The following ZNF25 variants were observed in gnomAD, a reference collection of about 807,000 sequenced individuals.
The protein encoded by ZNF25 is zinc finger protein 25.
ZNF25 carries 21 observed loss-of-function variants against 30.9 expected under a neutral mutation model. The ratio of observed to expected loss-of-function variants is 0.68; its 90% CI spans 0.48 to 0.98. ZNF25 has a LOEUF of 0.98. Among genes scored for constraint, ZNF25 ranks in the 50% least tolerant of loss-of-function variants. The pLI, the probability that ZNF25 is intolerant of heterozygous loss-of-function variation, is 0.00. For missense variants in ZNF25, 501 were observed against 529.9 expected (o/e 0.95, Z 0.54); for synonymous variants, 169 against 181.3 (o/e 0.93, Z 0.55).
intron 2 of ZNF25, among the ~76,000 whole-genome samples, chr10:37,967,060 A>G: frequency 6.6e-6 from 1 of 152,220 alleles, no homozygotes; most frequent in East Asian, 1.9e-4. Context: ...TGAGACCTAA[A>G]GAAATGAGAT....
chr10:37,973,081 T>G (rs973652636), intron 1 of ZNF25, among the ~76,000 whole-genome samples: 1 of 151,780 alleles, frequency 6.6e-6, no homozygotes, highest in Non-Finnish European at 1.5e-5. Flanking sequence ...GGCAGGAGAA[T>G]TGCTTGAATC....
rs545160992 is a variant in ZNF25, at chr10:37,952,760, C to A, written c.738G>T (p.Met246Ile). The A allele has an allele frequency of 6.2e-7, 1 of 1,609,800 alleles. No individual in the cohort carries two copies. Among genetic ancestry groups the A allele is most frequent in the South Asian group, 1.1e-5 (1 of 90,892 alleles). ...GKFFYVKAYL[M>I]VHQKTHTGEK... ...CCCCTGTGTGTGTTTTCTGATGTAC[C>A]ATGAGGTATGCCTTCACATAGAAGA... Residue 246 changes from methionine to isoleucine, a missense_variant, in exon 6 of 6, where the codon ATG becomes ATT. Met to Ile is a conservative substitution (Grantham distance 10). Coordinates refer to ENST00000302609, the MANE Select transcript of ZNF25 (RefSeq NM_145011.4).
rs1010439569 is a variant in ZNF25 at position 37,951,552 on chromosome 10, T to G, written c.*575A>C. 6.6e-6 allele frequency: 1 copy of G among 152,236 alleles called. No homozygotes were observed. The highest frequency in any genetic ancestry group is 1.5e-5 in the Non-Finnish European group (1 of 68,054). 9.4% of individuals were successfully genotyped at this position (152,236 alleles called of 1,614,324 possible). A position where few individuals can be genotyped will look rare whatever the true frequency, so the allele number is the denominator to read the frequency against. ...ACTGTTTCCCTCAGTACAAATTATT[T>G]GAATTTTTATTGAACACCTTCCAAA... On this transcript the variant is annotated 3_prime_UTR_variant, in exon 6 of 6. Transcript: ENST00000302609.
intron 2 of ZNF25, among the ~76,000 whole-genome samples, chr10:37,958,840 G>C (rs1217659767): frequency 6.6e-6 from 1 of 152,152 alleles, no homozygotes; most frequent in African/African-American, 2.4e-5. Context: ...CTGAAGGCAG[G>C]AGTTTGAGAC....
intron 1 of ZNF25, among the ~76,000 whole-genome samples, chr10:37,975,959 C>T (rs1166097430): frequency 2.0e-5 from 3 of 152,170 alleles, no homozygotes; most frequent in African/African-American, 7.2e-5. Context: ...CTCTCTGAAT[C>T]TTTAATAGTC....
chr10:37,950,091 AT>A lies in ZNF25; in HGVS notation c.*2035del, dbSNP rs1453085200. ...ATCATTTCTGAAACATGAAATACTTATAAAAGCGTAACTCTACATTGCTTTT... is the reference window on the plus strand; with the variant it reads ...ATCATTTCTGAAACATGAAATACTTAAAAAGCGTAACTCTACATTGCTTTT... On this transcript the variant is annotated 3_prime_UTR_variant, in exon 6 of 6. Coordinates refer to ENST00000302609, the MANE Select transcript of ZNF25 (RefSeq NM_145011.4). The A allele has an allele frequency of 6.6e-6, 1 of 152,628 alleles. No individual in the cohort carries two copies. The highest frequency in any genetic ancestry group is 1.5e-5 in the Non-Finnish European group (1 of 68,038). The allele number at this position is 152,628 out of a possible 1,614,324, so 9.5% of individuals were successfully genotyped here.
intron 2 of ZNF25, among the ~76,000 whole-genome samples, chr10:37,968,865 C>T (rs959702658): frequency 8.5e-5 from 13 of 152,120 alleles, no homozygotes; most frequent in East Asian, 5.8e-4. Context: ...TTTTTGCACA[C>T]GTGGGTTCTG....
rs762910704 is a variant in ZNF25 at position 37,952,476 on chromosome 10, G to A, written c.1022C>T (p.Pro341Leu). The change falls in exon 6 of 6, where the codon CCC becomes CTC. Residue 341 changes from proline (P) to leucine (L), a missense_variant. Coordinates refer to ENST00000302609, the MANE Select transcript of ZNF25 (RefSeq NM_145011.4). Reference protein sequence around the residue: ...VHQRTHTGEKPFECNKCGKTF... With the variant: ...VHQRTHTGEKLFECNKCGKTF... ...TTTCCCACATTTATTACATTCAAAG[G>A]GTTTCTCCCCTGTGTGAGTTCGCTG... 6.2e-7 allele frequency: 1 copy of A among 1,613,220 alleles called. No homozygotes were observed. The highest frequency in any genetic ancestry group is 1.3e-5 in the African/African-American group (1 of 74,904).
intron 5 of ZNF25, 47 bp downstream of exon 5, chr10:37,953,648 C>A: frequency 6.3e-7 from 1 of 1,578,766 alleles, no homozygotes; most frequent in Non-Finnish European, 8.7e-7. Flanking sequence ...TCCTTTAAGA[C>A]TCTTGCTTAC....
intron 3 of ZNF25, 131 bp from the exon 4 acceptor site, chr10:37,957,246 C>A (rs1027226676): frequency 8.0e-7 from 1 of 1,253,428 alleles, no homozygotes; most frequent in African/African-American, 1.5e-5. Flanking sequence ...ATTCTTTCAG[C>A]GGGGAGAGAG....
chr10:37,969,140 G>C (rs1327345631), intron 2 of ZNF25, among the ~76,000 whole-genome samples: 1 of 152,134 alleles, frequency 6.6e-6, no homozygotes, highest in African/African-American at 2.4e-5. Flanking sequence ...GGTGTTGGGG[G>C]TATATGGAGA....
At chr10:37,955,300 T>A (rs773449861) in intron 4 of ZNF25, among the ~76,000 whole-genome samples, 1 of 152,188 alleles carries the variant, frequency 6.6e-6, no homozygotes, top group Non-Finnish European at 1.5e-5. Flanking sequence ...TTTAAATGAA[T>A]ATTACTAATA....
At chr10:37,976,293 C>A in intron 1 of ZNF25, among the ~76,000 whole-genome samples, 1 of 152,188 alleles carries the variant, frequency 6.6e-6, no homozygotes, top group Middle Eastern at 3.2e-3. Flanking sequence ...CGGGCGCCCA[C>A]TGCCCAGCAC....
chr10:37,967,412 G>A (rs756960246), intron 2 of ZNF25, among the ~76,000 whole-genome samples: 1 of 150,826 alleles, frequency 6.6e-6, no homozygotes, highest in African/African-American at 2.4e-5. Context: ...ACGACCACAT[G>A]ATTTTCTTCT....
chr10:37,952,321 T>C lies in ZNF25; in HGVS notation c.1177A>G (p.Thr393Ala), dbSNP rs1367563691. ...SVLRLHQRTH[T>A]GEKPYACKEC... is the part of the protein sequence containing the mutation. ...TTGCATGCATAGGGCTTCTCTCCTG[T>C]GTGAGTCCTTTGATGTAATCTGAGG... The change falls in exon 6 of 6, where the codon ACA becomes GCA. Residue 393 changes from threonine to alanine, a missense_variant. Physicochemically the swap from Thr to Ala is moderately conservative, Grantham distance 58. Transcript: ENST00000302609. 1.2e-6 allele frequency: 2 copies of C among 1,613,918 alleles called. No homozygotes were observed.
intron 4 of ZNF25, among the ~76,000 whole-genome samples, chr10:37,955,782 A>T (rs2062481674): frequency 6.6e-6 from 1 of 152,114 alleles, no homozygotes; most frequent in African/African-American, 2.4e-5. Context: ...GGTTTAAGCA[A>T]TTCTCATGCC....
chr10:37,975,872 T>C (rs916590323), intron 1 of ZNF25, among the ~76,000 whole-genome samples: 1 of 152,150 alleles, frequency 6.6e-6, no homozygotes, highest in Non-Finnish European at 1.5e-5. Flanking sequence ...GATTTTAGTG[T>C]GGCAAGGCGC....
At chr10:37,969,978 C>A (rs753800808) in intron 2 of ZNF25, among the ~76,000 whole-genome samples, 2 of 152,062 alleles carry the variant, frequency 1.3e-5, no homozygotes, top group Non-Finnish European at 2.9e-5. Flanking sequence ...AAAACATCAC[C>A]AGAAATGACA....
intron 2 of ZNF25, among the ~76,000 whole-genome samples, chr10:37,969,402 TGTG>T (rs918795155): frequency 7.2e-5 from 11 of 152,164 alleles, no homozygotes; most frequent in African/African-American, 2.7e-4. Flanking sequence ...ATAAACAAAT[TGTG>T]GTGTATATAC....
Sources: gnomAD v4.1 joint callset for allele counts (sites outside exome capture counted in the v4.1 genomes callset) on GRCh38, gnomAD v4.1.1 for gene constraint, MANE v1.5 for transcripts, NCBI Gene and HGNC (gene_info 2026-07-23, HGNC 2026-07-21) for gene names.